The following ZNF423 variants were observed in gnomAD, a reference collection of about 807,000 sequenced individuals.
The protein encoded by ZNF423 is zinc finger protein 423, also known as Ebf-associated zinc finger protein.
ZNF423 carries 12 observed loss-of-function variants against 95.8 expected under a neutral mutation model. The observed-to-expected ratio is 0.13, with a 90% CI of 0.08 to 0.20. ZNF423 has a LOEUF of 0.20. Ranked by LOEUF, ZNF423 falls within the 10% of genes least tolerant of loss-of-function variation. The pLI is 1.00. For missense variants in ZNF423, 1,316 were observed against 1,737.1 expected, an observed-to-expected ratio of 0.76 and a Z score of 4.31; for synonymous variants, 749 against 711.9, an observed-to-expected ratio of 1.05 and a Z score of -0.83.
At chr16:49,807,667 G>A (rs918755057) in intron 1 of ZNF423, among the ~76,000 whole-genome samples, 1 of 152,232 alleles carries the variant, frequency 6.6e-6, no homozygotes, top group African/African-American at 2.4e-5. Context: ...GAGCTTGCAT[G>A]TGGAAAAGGC....
intron 1 of ZNF423, among the ~76,000 whole-genome samples, chr16:49,827,820 A>C (rs1307178623): frequency 6.6e-6 from 1 of 151,952 alleles, no homozygotes; most frequent in East Asian, 1.9e-4. Flanking sequence ...GGGGGTAGAG[A>C]AAGAGCTATT....
At chr16:49,529,848 C>T (rs548248900) in intron 5 of ZNF423, among the ~76,000 whole-genome samples, 5 of 152,180 alleles carry the variant, frequency 3.3e-5, no homozygotes, top group South Asian at 2.1e-4. Context: ...GTGCACTGAG[C>T]GTGACCTGCT....
intron 5 of ZNF423, among the ~76,000 whole-genome samples, chr16:49,622,011 T>C (rs1437463340): frequency 6.6e-6 from 1 of 152,184 alleles, no homozygotes; most frequent in Admixed American, 6.5e-5. Flanking sequence ...TATACCCTGC[T>C]CTGAAACCTT....
intron 3 of ZNF423, among the ~76,000 whole-genome samples, chr16:49,703,536 G>A (rs540330844): frequency 6.6e-6 from 1 of 152,336 alleles, no homozygotes; most frequent in East Asian, 1.9e-4. Context: ...CCTCCTTTCA[G>A]GAGAAAATTA....
chr16:49,619,074 T>A (rs566438986), intron 5 of ZNF423, among the ~76,000 whole-genome samples: 1 of 152,320 alleles, frequency 6.6e-6, no homozygotes, highest in African/African-American at 2.4e-5. Flanking sequence ...CTAGTTTCTT[T>A]GCCTGGAATT....
rs1415135750 is a variant in ZNF423, at chr16:49,678,137, C to T, written c.302-39263G>A. On this transcript the variant is annotated intron_variant, in intron 3 of 7. Transcript: ENST00000563137. Reference sequence around the variant, plus strand: ...GGTGAAGGTTGCAGTGAGCCAAGATCGCGCCACTGCACTCCAGCCCGGGTG... The same window carrying T: ...GGTGAAGGTTGCAGTGAGCCAAGATTGCGCCACTGCACTCCAGCCCGGGTG... Among the ~76,000 whole-genome samples, 9 of 152,094 alleles carry T rather than the reference C, an allele frequency of 5.9e-5. No homozygotes were observed. The South Asian group carries it at 8.3e-4, about 14-fold the overall frequency.
At chr16:49,677,292 A>AAGGGAAGGGAAGGGAAGGGAAGGGAAGG (rs1567284019) in intron 3 of ZNF423, among the ~76,000 whole-genome samples, 7 of 81,056 alleles carry the variant, frequency 8.6e-5, no homozygotes, top group Admixed American at 1.3e-4. Context: ...AGAAGAGAAG[A>AAGGGAAGGGAAGGGAAGGGAAGGGAAGG]GAAGAGAAGA....
chr16:49,737,751 G>T (rs1435508871), intron 2 of ZNF423, among the ~76,000 whole-genome samples: 1 of 152,200 alleles, frequency 6.6e-6, no homozygotes, highest in Non-Finnish European at 1.5e-5. Context: ...GCTTCGCAAG[G>T]TCATGAGCCA....
intron 2 of ZNF423, among the ~76,000 whole-genome samples, 167 bp downstream of exon 2, chr16:49,789,320 A>T (rs1330506962): frequency 6.6e-6 from 1 of 152,192 alleles, no homozygotes; most frequent in Non-Finnish European, 1.5e-5. Flanking sequence ...GATTTTATTG[A>T]CCATATGGAA....
At chr16:49,801,728 G>A (rs1427539132) in intron 1 of ZNF423, among the ~76,000 whole-genome samples, 1 of 152,210 alleles carries the variant, frequency 6.6e-6, no homozygotes, top group East Asian at 1.9e-4. Context: ...TGACTTTGAT[G>A]CGTGCTTAAG....
chr16:49,545,666 G>A (rs1429178371), intron 5 of ZNF423, among the ~76,000 whole-genome samples: 2 of 152,204 alleles, frequency 1.3e-5, no homozygotes, highest in African/African-American at 4.8e-5. Flanking sequence ...TATTGTCCAC[G>A]TCACATGGGG....
chr16:49,745,399 C>A (rs2033500683), intron 2 of ZNF423, among the ~76,000 whole-genome samples: 2 of 152,180 alleles, frequency 1.3e-5, no homozygotes, highest in African/African-American at 4.8e-5. Flanking sequence ...TAGCTGTCAG[C>A]AGCAGACATC....
chr16:49,539,996 C>T (rs964812525), intron 5 of ZNF423, among the ~76,000 whole-genome samples: 4 of 152,090 alleles, frequency 2.6e-5, no homozygotes, highest in Admixed American at 6.5e-5. Flanking sequence ...AGGAGCCGCT[C>T]TAAGAGGGCA....
chr16:49,846,826 A>T (rs1199351078), intron 1 of ZNF423, among the ~76,000 whole-genome samples: 1 of 152,152 alleles, frequency 6.6e-6, no homozygotes, highest in Non-Finnish European at 1.5e-5. Context: ...GGAACCAAAA[A>T]TATACTCTAT....
At chr16:49,757,877 T>C (rs1157247030) in intron 2 of ZNF423, among the ~76,000 whole-genome samples, 2 of 152,216 alleles carry the variant, frequency 1.3e-5, no homozygotes, top group East Asian at 3.9e-4. Context: ...TTTCCCCTCA[T>C]GTTAATCCTC....
Position 49,490,104 on chromosome 16 carries a change from C to G in ZNF423, c.*1171G>C, listed in dbSNP as rs1393686713. On this transcript the variant is annotated 3_prime_UTR_variant, in exon 8 of 8. Transcript: ENST00000563137. ...TCTCACATCCTACTGATCTCTATGA[C>G]TGGGAACCTGCGGCTCCTACCTGGC... The G allele has an allele frequency of 6.6e-6, 1 of 152,308 alleles. No individual in the cohort carries two copies. The highest frequency in any genetic ancestry group is 2.4e-5 in the African/African-American group (1 of 41,460). 9.4% of individuals were successfully genotyped at this position (152,308 alleles called of 1,614,324 possible). A position where few individuals can be genotyped will look rare whatever the true frequency, so the allele number is the denominator to read the frequency against.
intron 3 of ZNF423, among the ~76,000 whole-genome samples, chr16:49,712,797 A>G (rs998708623): frequency 3.3e-5 from 5 of 152,256 alleles, no homozygotes; most frequent in African/African-American, 9.6e-5. Context: ...ATGGAAATAC[A>G]TAATGAACAA....
chr16:49,696,255 G>A (rs377434053), intron 3 of ZNF423, among the ~76,000 whole-genome samples: 10 of 152,216 alleles, frequency 6.6e-5, no homozygotes, highest in Non-Finnish European at 1.3e-4. Context: ...AAGTCATTGC[G>A]ATGGTGGGGG....
rs193142534 is a variant in ZNF423 at position 49,510,643 on chromosome 16, T to A, written c.3849+12981A>T. ...TCTGTGTCTGTGTCTATGTCTGGGG[T>A]CTTCCCCTCAGGCCCCAAGGCCCCA... On this transcript the variant is annotated intron_variant, in intron 7 of 7. Transcript: ENST00000563137. 3.5e-3 allele frequency among the ~76,000 whole-genome samples: 535 copies of A among 152,148 alleles called. 2 individuals carry two copies. The highest frequency in any genetic ancestry group is 0.012 in the African/African-American group (512 of 41,496).
Sources: allele counts gnomAD v4.1 joint callset (sites outside exome capture counted in the v4.1 genomes callset), GRCh38; gene constraint gnomAD v4.1.1; transcripts MANE v1.5; gene names NCBI Gene and HGNC (gene_info 2026-07-23, HGNC 2026-07-21).